The following USH2A variants were observed in gnomAD, a reference collection of about 807,000 sequenced individuals.
USH2A encodes the protein Usher syndrome 2A (autosomal recessive, mild).
In USH2A, 443 loss-of-function variants were observed where a neutral mutation model predicts 538.9. The observed-to-expected ratio is 0.82, with a 90% CI of 0.76 to 0.89. USH2A has a LOEUF of 0.89. Among genes scored for constraint, USH2A ranks in the 40% least tolerant of loss-of-function variants. The pLI is 0.00. For missense variants in USH2A, 6,633 were observed against 6,324.8 expected (o/e 1.05, Z -1.65); for synonymous variants, 2,413 against 2,273.5 (o/e 1.06, Z -1.75).
chr1:216,330,962 G>T (rs970350221), intron 4 of USH2A, among the ~76,000 whole-genome samples: 3 of 151,978 alleles, frequency 2.0e-5, no homozygotes, highest in African/African-American at 7.2e-5. Context: ...GGGGGATAAT[G>T]AAATCTATTT....
chr1:215,756,935 C>A (rs61195085), intron 58 of USH2A, among the ~76,000 whole-genome samples: 1 of 96,190 alleles, frequency 1.0e-5, no homozygotes, highest in Non-Finnish European at 2.5e-5. Context: ...AACAAACAAA[C>A]AAACAAATAA....
chr1:216,119,436 T>C (rs2033079674), intron 21 of USH2A, among the ~76,000 whole-genome samples: 1 of 151,542 alleles, frequency 6.6e-6, no homozygotes, highest in Admixed American at 6.6e-5. Context: ...CAGTATATAA[T>C]ATAACATTAT....
intron 32 of USH2A, among the ~76,000 whole-genome samples, chr1:216,036,348 A>G (rs910039740): frequency 3.9e-5 from 6 of 152,156 alleles, no homozygotes; most frequent in Admixed American, 3.9e-4. Context: ...AAAAGAAAAA[A>G]AAGCAATACC....
At position 216,413,154 on chromosome 1, in the gene USH2A, C is replaced by T. The variant is rs139192870; in HGVS notation, c.651+5360G>A. Among the ~76,000 whole-genome samples, 377 of 151,962 alleles carry T rather than the reference C, an allele frequency of 2.5e-3. 2 individuals carry two copies. The highest frequency in any genetic ancestry group is 8.5e-3 in the African/African-American group (354 of 41,500). ...GGCTAGATATAAAGAGAAGGCTTTG[C>T]ACAAAGAAACATTTAGCACACATAT... On this transcript the variant is annotated intron_variant, in intron 3 of 71. Transcript: ENST00000307340.
At position 216,216,755 on chromosome 1, in the gene USH2A, G is replaced by T. The variant is rs148228412; in HGVS notation, c.3157+632C>A. On this transcript the variant is annotated intron_variant, in intron 15 of 71. Coordinates refer to ENST00000307340, the MANE Select transcript of USH2A (RefSeq NM_206933.4). ...GAAAAGCGATGTTGAAAAGTCAAAA[G>T]ATACTTACATGTAATCTTAGGCTTT... Among the ~76,000 whole-genome samples, 1,136 of 152,134 alleles carry T rather than the reference G, an allele frequency of 7.5e-3. 13 individuals are homozygous for T. The highest frequency in any genetic ancestry group is 0.026 in the African/African-American group (1,062 of 41,524).
At chr1:216,310,285 G>T (rs564695875) in intron 9 of USH2A, among the ~76,000 whole-genome samples, 1 of 151,672 alleles carries the variant, frequency 6.6e-6, no homozygotes, top group Non-Finnish European at 1.5e-5. Context: ...TCTTTCCTTT[G>T]TAAGTATTAA....
rs2032779298 is a variant in USH2A, at chr1:216,107,989, AAT to A, written c.4628-10778_4628-10777del. On this transcript the variant is annotated intron_variant, in intron 21 of 71. Transcript: ENST00000307340. ...ATTTTATATATGTTGTAAACTGCAGAATATGTTTAAAATTTCTTGTTTTCACT... is the reference window on the plus strand; with the variant it reads ...ATTTTATATATGTTGTAAACTGCAGAATGTTTAAAATTTCTTGTTTTCACT... Among the ~76,000 whole-genome samples, 3 of 151,994 alleles carry A rather than the reference AAT, an allele frequency of 2.0e-5. No homozygotes were observed. In the South Asian group the frequency reaches 6.2e-4, roughly 32 times the overall value.
intron 3 of USH2A, among the ~76,000 whole-genome samples, chr1:216,365,350 C>T (rs1446663888): frequency 6.6e-6 from 1 of 152,076 alleles, no homozygotes; most frequent in Non-Finnish European, 1.5e-5. Flanking sequence ...TGTAACAGCT[C>T]TGGTTGCCAT....
chr1:215,911,847 T>G (rs1354856893), intron 38 of USH2A, among the ~76,000 whole-genome samples: 2 of 152,082 alleles, frequency 1.3e-5, no homozygotes, highest in Non-Finnish European at 2.9e-5. Flanking sequence ...GGGTTCCCTT[T>G]CTCCACATCC....
chr1:216,227,914 C>T (rs955900778), intron 14 of USH2A, among the ~76,000 whole-genome samples: 1 of 152,110 alleles, frequency 6.6e-6, no homozygotes, highest in African/African-American at 2.4e-5. Flanking sequence ...GTAGGGTGAT[C>T]GTCTCTGGAG....
intron 21 of USH2A, among the ~76,000 whole-genome samples, chr1:216,100,084 A>G (rs1043381567): frequency 2.0e-5 from 3 of 152,192 alleles, no homozygotes; most frequent in African/African-American, 7.2e-5. Context: ...ATAGGAGGGA[A>G]CTTTAAGGAG....
chr1:215,947,042 C>CTT (rs34295902), intron 37 of USH2A, among the ~76,000 whole-genome samples: 17,524 of 146,268 alleles, frequency 0.12, 1,395 homozygotes, highest in Non-Finnish European at 0.18. Context: ...AGGTATATTA[C>CTT]TTTTTTTTTT....
At chr1:215,741,295 A>G in intron 60 of USH2A, 80 bp downstream of exon 60, 3 of 1,501,362 alleles carry the variant, frequency 2.0e-6, no homozygotes, top group Non-Finnish European at 1.8e-6. Flanking sequence ...TTATGGAAAT[A>G]TAAAATGCTC....
intron 9 of USH2A, among the ~76,000 whole-genome samples, chr1:216,297,464 A>G (rs1375643540): frequency 1.3e-5 from 2 of 152,134 alleles, no homozygotes; most frequent in Non-Finnish European, 2.9e-5. Context: ...TCTTAGGATA[A>G]GTGGTAATAT....
intron 21 of USH2A, among the ~76,000 whole-genome samples, chr1:216,170,447 G>A (rs1197901333): frequency 3.3e-5 from 5 of 151,970 alleles, no homozygotes; most frequent in South Asian, 2.1e-4. Flanking sequence ...CACATTTCTC[G>A]TGAAGACAAA....
At chr1:215,883,093 A>T (rs1033828785) in intron 41 of USH2A, among the ~76,000 whole-genome samples, 11 of 152,124 alleles carry the variant, frequency 7.2e-5, no homozygotes, top group African/African-American at 1.2e-4. Flanking sequence ...TGCTAATATT[A>T]CTTGTTTCTT....
intron 44 of USH2A, among the ~76,000 whole-genome samples, chr1:215,860,558 A>G (rs945298398): frequency 2.0e-5 from 3 of 152,190 alleles, no homozygotes; most frequent in African/African-American, 7.2e-5. Flanking sequence ...TCAAATCTCA[A>G]TGTCCAAAAT....
intron 11 of USH2A, among the ~76,000 whole-genome samples, chr1:216,281,355 A>G (rs751758016): frequency 5.9e-5 from 9 of 152,146 alleles, no homozygotes; most frequent in Non-Finnish European, 8.8e-5. Flanking sequence ...TGGAAAGAGA[A>G]AAAAGTTTAT....
intron 44 of USH2A, among the ~76,000 whole-genome samples, chr1:215,855,148 A>C (rs1035521154): frequency 6.6e-6 from 1 of 152,184 alleles, no homozygotes; most frequent in Non-Finnish European, 1.5e-5. Flanking sequence ...CAAGAGAAAA[A>C]AATATAGGGC....
Sources: allele counts gnomAD v4.1 joint callset (sites outside exome capture counted in the v4.1 genomes callset), GRCh38; gene constraint gnomAD v4.1.1; transcripts MANE v1.5; gene names NCBI Gene and HGNC (gene_info 2026-07-23, HGNC 2026-07-21).